The following PPP2R2B variants were observed in gnomAD, a reference collection of about 807,000 sequenced individuals.
The protein encoded by PPP2R2B is protein phosphatase 2 regulatory subunit Bbeta.
PPP2R2B carries 5 observed loss-of-function variants against 46.0 expected under a neutral mutation model. That is an observed-to-expected ratio of 0.11 (90% confidence interval 0.06 to 0.23). The LOEUF is 0.23. Ranked by LOEUF, PPP2R2B falls within the 10% of genes least tolerant of loss-of-function variation. PPP2R2B has a pLI of 1.00. For missense variants in PPP2R2B, 367 were observed against 575.0 expected, an observed-to-expected ratio of 0.64 and a Z score of 3.70; for synonymous variants, 215 against 206.7, an observed-to-expected ratio of 1.04 and a Z score of -0.34.
chr5:146,672,186 G>A lies in PPP2R2B; in HGVS notation c.447+18942C>T, dbSNP rs1174638993. On this transcript the variant is annotated intron_variant, in intron 5 of 9. Coordinates refer to ENST00000394411, the MANE Select transcript of PPP2R2B (RefSeq NM_181675.4). The stretch of plus-strand genomic sequence containing the variant: ...CAATGGGAGACATCCAAGGAGGCAA[G>A]AGGAGATGTAAATTTCCCAGGGGAA... Among the ~76,000 whole-genome samples the A allele has an allele frequency of 2.6e-5, 4 of 152,190 alleles. No individual in the cohort carries two copies. The East Asian group carries it at 7.7e-4, about 29-fold the overall frequency.
At chr5:146,990,388 G>C (rs1045640929) in intron 1 of PPP2R2B, among the ~76,000 whole-genome samples, 5 of 151,856 alleles carry the variant, frequency 3.3e-5, no homozygotes, top group African/African-American at 1.2e-4. Context: ...CAGACCAATG[G>C]AACAAAATAG....
At chr5:147,003,364 G>T (rs544801824) in intron 1 of PPP2R2B, among the ~76,000 whole-genome samples, 1 of 152,184 alleles carries the variant, frequency 6.6e-6, no homozygotes, top group African/African-American at 2.4e-5. Flanking sequence ...AGGGGAATTT[G>T]GCCCAACCCA....
At chr5:146,891,184 T>C (rs574062289) in intron 1 of PPP2R2B, among the ~76,000 whole-genome samples, 70 of 152,348 alleles carry the variant, frequency 4.6e-4, no homozygotes, top group Non-Finnish European at 6.3e-4. Context: ...GTTAAAGGCA[T>C]GATTTTTGAG....
intron 1 of PPP2R2B, among the ~76,000 whole-genome samples, chr5:147,026,154 C>T (rs1342342083): frequency 1.3e-5 from 2 of 152,040 alleles, no homozygotes; most frequent in Admixed American, 1.3e-4. Flanking sequence ...GGATAGATCT[C>T]CATATAAAGA....
intron 1 of PPP2R2B, among the ~76,000 whole-genome samples, chr5:146,995,139 T>A (rs1376329685): frequency 1.3e-5 from 2 of 152,198 alleles, no homozygotes; most frequent in African/African-American, 4.8e-5. Flanking sequence ...CTAATAACAT[T>A]CTTCAAGACT....
chr5:146,651,874 C>A (rs1468917493), intron 5 of PPP2R2B, among the ~76,000 whole-genome samples: 1 of 152,132 alleles, frequency 6.6e-6, no homozygotes, highest in East Asian at 1.9e-4. Context: ...ACCAACATAA[C>A]CTTTTAGAAA....
Position 146,899,058 on chromosome 5 carries a change from C to A in PPP2R2B, c.79+156607G>T, listed in dbSNP as rs181816054. Reference sequence around the variant, plus strand: ...AAACTAGTTCAACCATTGTGGAAGTCAGTAGGGCGATTCCTCAGGGATCTA... The same window carrying A: ...AAACTAGTTCAACCATTGTGGAAGTAAGTAGGGCGATTCCTCAGGGATCTA... On this transcript the variant is annotated intron_variant, in intron 1 of 8. Coordinates refer to the PPP2R2B transcript ENST00000336640. Among the ~76,000 whole-genome samples the A allele has an allele frequency of 1.9e-4, 29 of 151,894 alleles. No homozygotes were observed. The East Asian group carries it at 5.7e-3, about 30-fold the overall frequency.
At chr5:146,666,750 A>G (rs1777003034) in intron 5 of PPP2R2B, among the ~76,000 whole-genome samples, 1 of 152,260 alleles carries the variant, frequency 6.6e-6, no homozygotes, top group African/African-American at 2.4e-5. Flanking sequence ...GCTTTGCTTC[A>G]CTGAACACAA....
At chr5:146,998,855 T>TAA (rs1754035521) in intron 1 of PPP2R2B, among the ~76,000 whole-genome samples, 1 of 151,966 alleles carries the variant, frequency 6.6e-6, no homozygotes, top group African/African-American at 2.4e-5. Context: ...AAACCACTGA[T>TAA]TCGGTGTTTA....
chr5:146,592,118 G>T (rs921842451), intron 9 of PPP2R2B: 1 of 444,378 alleles, frequency 2.3e-6, no homozygotes, highest in African/African-American at 2.0e-5. Flanking sequence ...TTATGTCACA[G>T]TTGCTTTGCT....
chr5:146,882,695 T>C (rs17105615), upstream of PPP2R2B, among the ~76,000 whole-genome samples: 3,323 of 152,288 alleles, frequency 0.022, 131 homozygotes, highest in African/African-American at 0.074. Context: ...GACACTGGGA[T>C]AGGATTATAG....
chr5:146,724,698 G>T (rs2151198069), intron 2 of PPP2R2B, among the ~76,000 whole-genome samples: 1 of 152,206 alleles, frequency 6.6e-6, no homozygotes, highest in African/African-American at 2.4e-5. Context: ...GGTCCCAAAG[G>T]CAGGAGCTGG....
At chr5:146,739,366 G>A (rs948032230) in intron 2 of PPP2R2B, among the ~76,000 whole-genome samples, 1 of 152,146 alleles carries the variant, frequency 6.6e-6, no homozygotes, top group Non-Finnish European at 1.5e-5. Context: ...GAAGCATCGT[G>A]GAGAAAGCAT....
intron 2 of PPP2R2B, among the ~76,000 whole-genome samples, chr5:146,817,071 T>G (rs577044204): frequency 2.9e-4 from 44 of 152,300 alleles, no homozygotes; most frequent in African/African-American, 1.1e-3. Flanking sequence ...CCTCCCTGTA[T>G]GCAGGCAGGT....
At chr5:146,799,042 A>T (rs868343371) in intron 2 of PPP2R2B, among the ~76,000 whole-genome samples, 7 of 152,302 alleles carry the variant, frequency 4.6e-5, no homozygotes, top group African/African-American at 1.7e-4. Flanking sequence ...ATTTCTGTAG[A>T]AAATATCCTC....
chr5:146,622,585 G>A (rs1233282821), intron 7 of PPP2R2B, among the ~76,000 whole-genome samples: 1 of 152,134 alleles, frequency 6.6e-6, no homozygotes, highest in Non-Finnish European at 1.5e-5. Flanking sequence ...GTATCTGAAA[G>A]CCACCTAGTG....
At chr5:147,015,065 G>A (rs1754936176) in intron 1 of PPP2R2B, among the ~76,000 whole-genome samples, 1 of 151,938 alleles carries the variant, frequency 6.6e-6, no homozygotes, top group Non-Finnish European at 1.5e-5. Flanking sequence ...CAGGTAATTT[G>A]TTAATTGTCT....
chr5:146,802,416 A>C (rs1416946281), intron 2 of PPP2R2B, among the ~76,000 whole-genome samples: 6 of 152,230 alleles, frequency 3.9e-5, no homozygotes, highest in Non-Finnish European at 8.8e-5. Flanking sequence ...TATTATCACT[A>C]TTTGTGTGTA....
At chr5:147,027,356 C>T (rs955942609) in intron 1 of PPP2R2B, among the ~76,000 whole-genome samples, 35 of 152,216 alleles carry the variant, frequency 2.3e-4, no homozygotes, top group Admixed American at 9.8e-4. Flanking sequence ...ATTAGTGGGC[C>T]GGGCGCGGTG....
Sources: gnomAD v4.1 joint callset for allele counts (sites outside exome capture counted in the v4.1 genomes callset) on GRCh38, gnomAD v4.1.1 for gene constraint, MANE v1.5 for transcripts, NCBI Gene and HGNC (gene_info 2026-07-23, HGNC 2026-07-21) for gene names.